The following ALDH4A1 variants were observed in gnomAD, a reference collection of about 807,000 sequenced individuals.
ALDH4A1 encodes delta-1-pyrroline-5-carboxylate dehydrogenase, mitochondrial.
Under a neutral mutation model 70.5 loss-of-function variants are expected in ALDH4A1, and 46 were observed. The ratio of observed to expected loss-of-function variants is 0.65; its 90% CI spans 0.51 to 0.83. ALDH4A1 has a LOEUF of 0.83. ALDH4A1 is among the 40% of genes least tolerant of loss of function. The pLI, the probability that ALDH4A1 is intolerant of heterozygous loss-of-function variation, is 0.00. For synonymous variants in ALDH4A1, 323 were observed against 324.3 expected (o/e 1.00, Z 0.04); for missense variants, 749 against 766.5 (o/e 0.98, Z 0.27).
At chr1:18,899,620 A>G (rs1935733950) in intron 1 of ALDH4A1, among the ~76,000 whole-genome samples, 1 of 152,264 alleles carries the variant, frequency 6.6e-6, no homozygotes. Flanking sequence ...GGCCTCGGAC[A>G]AGTTTTCCTT....
intron 1 of ALDH4A1, among the ~76,000 whole-genome samples, chr1:18,893,565 C>T (rs867562511): frequency 1.1e-4 from 17 of 152,072 alleles, no homozygotes; most frequent in African/African-American, 3.9e-4. Flanking sequence ...TGCAGTGGTG[C>T]GATCTCAGCT....
intron 13 of ALDH4A1, 74 bp from the exon 14 acceptor site, chr1:18,874,655 C>G: frequency 4.9e-6 from 7 of 1,425,266 alleles, no homozygotes; most frequent in Non-Finnish European, 6.9e-6. Flanking sequence ...CTCAACACCC[C>G]TGCTCCAGCC....
chr1:18,883,348 C>T lies in ALDH4A1; in HGVS notation c.534G>A (p.Val178=), dbSNP rs1489218352. ...DFFRFNAKYA[V]ELEGQQPISV... is the part of the protein sequence containing the mutation. The stretch of plus-strand genomic sequence containing the variant: ...TGATGGGCTGCTGCCCCTCCAGCTC[C>T]ACCGCATACTTGGCATTGAACCGGA... The change falls in exon 6 of 15, where the codon GTG becomes GTA. Residue 178 remains valine, a synonymous_variant. Transcript: ENST00000375341. 14 of 1,613,316 alleles carry T rather than the reference C, an allele frequency of 8.7e-6. No individual in the cohort carries two copies. Among genetic ancestry groups the T allele is most frequent in the Non-Finnish European group, 1.2e-5 (14 of 1,180,048 alleles).
intron 3 of ALDH4A1, 122 bp from the exon 4 acceptor site, chr1:18,886,633 C>T (rs1205232738): frequency 9.3e-7 from 1 of 1,078,298 alleles, no homozygotes; most frequent in Non-Finnish European, 1.4e-6. Context: ...TCCCCCCTCC[C>T]CCGCTCCCAT....
At chr1:18,889,751 A>T (rs897326133) in intron 2 of ALDH4A1, among the ~76,000 whole-genome samples, 6 of 152,240 alleles carry the variant, frequency 3.9e-5, no homozygotes, top group African/African-American at 1.4e-4. Flanking sequence ...TTAACTGGAA[A>T]ACATGTTTAA....
chr1:18,877,761 G>A (rs1569732065), intron 9 of ALDH4A1, 149 bp from the exon 10 acceptor site: 3 of 963,522 alleles, frequency 3.1e-6, no homozygotes, highest in Non-Finnish European at 4.6e-6. Context: ...GTGAGCGCTG[G>A]CCAACATCCC....
chr1:18,886,363 C>A (rs898290728), intron 4 of ALDH4A1, 101 bp downstream of exon 4: 1 of 1,380,782 alleles, frequency 7.2e-7, no homozygotes, highest in Non-Finnish European at 1.0e-6. Context: ...AAGAAGGACA[C>A]AGCAACTGAT....
intron 3 of ALDH4A1, among the ~76,000 whole-genome samples, chr1:18,887,375 G>A (rs946077504): frequency 4.6e-5 from 7 of 152,354 alleles, no homozygotes; most frequent in Non-Finnish European, 8.8e-5. Flanking sequence ...CAAGGCGGGC[G>A]GATCACAAGG....
At chr1:18,900,010 T>A (rs941497272) in intron 1 of ALDH4A1, among the ~76,000 whole-genome samples, 2 of 152,192 alleles carry the variant, frequency 1.3e-5, no homozygotes, top group Non-Finnish European at 2.9e-5. Context: ...AGGTTTTTTT[T>A]AAAAGCATAT....
At position 18,898,196 on chromosome 1, in the gene ALDH4A1, G is replaced by T. The variant is rs529380344; in HGVS notation, c.62+4266C>A. Among the ~76,000 whole-genome samples, 1 of 151,954 alleles carries T rather than the reference G, an allele frequency of 6.6e-6. No homozygotes were observed. The highest frequency in any genetic ancestry group is 2.4e-5 in the African/African-American group (1 of 41,372). On this transcript the variant is annotated intron_variant, in intron 1 of 14. Transcript: ENST00000375341. This position sits in a 1 kb window ranked among gnomAD's most constrained non-coding sequence, Gnocchi z 4.3. ...AAATTAGCTGGGTATGGTGATGTGC[G>T]CCTGTAGTTCCAGCTACTTGGGAGG...
chr1:18,885,742 T>C, intron 4 of ALDH4A1, 114 bp from the exon 5 acceptor site: 1 of 1,452,030 alleles, frequency 6.9e-7, no homozygotes. Flanking sequence ...GGACAATGCC[T>C]GTCTCCCTGG....
At chr1:18,877,350 G>A in intron 10 of ALDH4A1, 66 bp downstream of exon 10, 1 of 1,553,602 alleles carries the variant, frequency 6.4e-7, no homozygotes, top group Non-Finnish European at 8.7e-7. Context: ...CTGCAGAGGA[G>A]CCTCCCAGGG....
rs771984998 is a variant in ALDH4A1 at position 18,881,766 on chromosome 1, GGC to G, written c.798_799del (p.Leu268IlefsTer125). 6.2e-7 allele frequency: 1 copy of G among 1,614,068 alleles called. No individual in the cohort carries two copies. Among genetic ancestry groups the G allele is most frequent in the Non-Finnish European group, 8.5e-7 (1 of 1,180,038 alleles). On this transcript the variant is annotated frameshift_variant, in exon 8 of 15. Coordinates refer to ENST00000375341, the MANE Select transcript of ALDH4A1 (RefSeq NM_003748.4). LOFTEE classifies it high-confidence loss of function. ...GCTGGTGACAGTGTCCCCAAATAGG[GGC>G]CCATCAGCTGGCACAAACTGGATGA...
At chr1:18,894,552 A>T (rs1324500670) in intron 1 of ALDH4A1, among the ~76,000 whole-genome samples, 1 of 152,194 alleles carries the variant, frequency 6.6e-6, no homozygotes. Flanking sequence ...CAAAATATAT[A>T]AATAAATGTA....
chr1:18,886,650 C>G (rs1569768214), intron 3 of ALDH4A1, 139 bp from the exon 4 acceptor site: 1 of 901,930 alleles, frequency 1.1e-6, no homozygotes, highest in Middle Eastern at 3.0e-4. Context: ...CCATGAAACC[C>G]TCCCCAGTGC....
At chr1:18,879,256 G>T (rs1337384885) in intron 9 of ALDH4A1, 44 bp downstream of exon 9, 1 of 1,540,972 alleles carries the variant, frequency 6.5e-7, no homozygotes, top group South Asian at 1.2e-5. Flanking sequence ...CCAGGGGAGG[G>T]GTCCCTGGGG....
At chr1:18,901,053 C>T (rs9426792) in intron 1 of ALDH4A1, 6,958 of 251,932 alleles carry the variant, frequency 0.028, 128 homozygotes, top group African/African-American at 0.052. Context: ...CCCTGGGTAC[C>T]CCTCATCTCT....
intron 13 of ALDH4A1, 149 bp downstream of exon 13, chr1:18,875,233 G>A (rs1007803884): frequency 6.8e-6 from 9 of 1,326,942 alleles, no homozygotes; most frequent in African/African-American, 5.8e-5. Context: ...CCCATGTGGC[G>A]AGCCCTGGCT....
At position 18,875,393 on chromosome 1, in the gene ALDH4A1, G is replaced by T; in HGVS notation, c.1449C>A (p.Phe483Leu). The change falls in exon 13 of 15, where the codon TTC (phenylalanine) becomes TTA (leucine). Residue 483 changes from phenylalanine to leucine, a missense_variant. Transcript: ENST00000375341. Reference sequence around the variant, plus strand: ...GCCTGGCCACTCACTTATCCTGGGAGAACACTGCCCCCGTGAGGCCATAGC... The same window carrying T: ...GCCTGGCCACTCACTTATCCTGGGATAACACTGCCCCCGTGAGGCCATAGC... The part of the protein sequence containing the change: ...TTSYGLTGAV[F>L]SQDKDVVQEA... 6.2e-7 allele frequency: 1 copy of T among 1,614,152 alleles called. No homozygotes were observed. The highest frequency in any genetic ancestry group is 2.2e-5 in the East Asian group (1 of 44,876).
Sources: gnomAD v4.1 joint callset for allele counts (sites outside exome capture counted in the v4.1 genomes callset) on GRCh38, gnomAD v4.1.1 for gene constraint, Gnocchi (gnomAD v3.1) non-coding constraint, MANE v1.5 for transcripts, NCBI Gene and HGNC (gene_info 2026-07-23, HGNC 2026-07-21) for gene names.